Variants in CCDC171 observed in about 807,000 individuals in gnomAD.
CCDC171 encodes coiled-coil domain containing 171.
CCDC171 carries 177 observed loss-of-function variants against 168.2 expected under a neutral mutation model. The observed-to-expected ratio is 1.05, with a 90% CI of 0.93 to 1.19. The LOEUF is 1.19. Among genes scored for constraint, CCDC171 ranks in the 50% most tolerant of loss-of-function variants. The probability of loss-of-function intolerance (pLI) is 0.00; values close to 1 mark genes in which losing one functional copy is unlikely to be tolerated. For synonymous variants in CCDC171, 687 were observed against 540.8 expected, an observed-to-expected ratio of 1.27 and a Z score of -3.75; for missense variants, 1,991 against 1,539.0, an observed-to-expected ratio of 1.29 and a Z score of -4.91.
At chr9:15,698,345 C>T (rs949807716) in intron 11 of CCDC171, among the ~76,000 whole-genome samples, 5 of 152,054 alleles carry the variant, frequency 3.3e-5, no homozygotes, top group Non-Finnish European at 7.3e-5. Flanking sequence ...CACGGTGAAA[C>T]ACCGTCTCTA....
chr9:15,767,794 T>G (rs1317768800), intron 18 of CCDC171, among the ~76,000 whole-genome samples: 3 of 114,558 alleles, frequency 2.6e-5, no homozygotes, highest in African/African-American at 1.0e-4. Context: ...GTGTGCCCTA[T>G]GGGCTCTTTT....
At chr9:15,626,221 A>G (rs1412484312) in intron 7 of CCDC171, among the ~76,000 whole-genome samples, 2 of 152,224 alleles carry the variant, frequency 1.3e-5, no homozygotes, top group African/African-American at 4.8e-5. Context: ...TTGGGCTGAG[A>G]CGATGGGGTT....
At chr9:15,732,547 A>G (rs2054216805) in intron 16 of CCDC171, among the ~76,000 whole-genome samples, 2 of 152,150 alleles carry the variant, frequency 1.3e-5, no homozygotes, top group South Asian at 4.1e-4. Flanking sequence ...CTCATACAGT[A>G]TATAGCCTTT....
intron 24 of CCDC171, among the ~76,000 whole-genome samples, chr9:15,912,791 A>G (rs1245069114): frequency 6.6e-6 from 1 of 152,194 alleles, no homozygotes; most frequent in Non-Finnish European, 1.5e-5. Context: ...ATCTATTGAG[A>G]TAATCATGTG....
At chr9:15,948,223 C>T (rs1411488809) in intron 25 of CCDC171, among the ~76,000 whole-genome samples, 4 of 150,606 alleles carry the variant, frequency 2.7e-5, no homozygotes, top group African/African-American at 2.4e-5. Flanking sequence ...TCCAGTCTAT[C>T]GTTGTTGGAC....
intron 2 of CCDC171, among the ~76,000 whole-genome samples, chr9:15,570,527 A>G (rs1587033621): frequency 6.6e-6 from 1 of 152,098 alleles, no homozygotes; most frequent in East Asian, 1.9e-4. Context: ...CTGTCTGCTT[A>G]TATTGAAAAG....
At chr9:15,610,764 G>T (rs1235261657) in intron 6 of CCDC171, among the ~76,000 whole-genome samples, 1 of 152,034 alleles carries the variant, frequency 6.6e-6, no homozygotes, top group African/African-American at 2.4e-5. Context: ...TCACTGTGTT[G>T]CCCAGTCTGG....
downstream of CCDC171, among the ~76,000 whole-genome samples, chr9:16,066,442 T>G (rs898345743): frequency 6.6e-6 from 1 of 150,560 alleles, no homozygotes. Context: ...TGCTGTGTTT[T>G]CTTCCTCTTT....
chr9:15,832,416 C>A (rs761555211), intron 21 of CCDC171, among the ~76,000 whole-genome samples: 6 of 152,182 alleles, frequency 3.9e-5, no homozygotes, highest in Non-Finnish European at 7.3e-5. Flanking sequence ...TGTACTTACA[C>A]AGACCTACAT....
In CCDC171 at chr9:15,564,085, C is replaced by T; in HGVS notation, c.-4C>T. 1 of 1,602,738 alleles carries T rather than the reference C, an allele frequency of 6.2e-7. No homozygotes were observed. Among genetic ancestry groups the T allele is most frequent in the South Asian group, 1.1e-5 (1 of 89,930 alleles). ...AGGGTATTTTGAAAGAGTTGGAAAA[C>T]ATCATGAATTTGAATACTTCAAGTA... On this transcript the variant is annotated 5_prime_UTR_variant, in exon 2 of 26. Coordinates refer to ENST00000380701, the MANE Select transcript of CCDC171 (RefSeq NM_173550.4).
At position 15,781,272 on chromosome 9, in the gene CCDC171, A is replaced by C. The variant is rs966860133; in HGVS notation, c.3081+2122A>C. On this transcript the variant is annotated intron_variant, in intron 20 of 25. Transcript: ENST00000380701. ...TTCTAGAATCTAGAGAGAAGATTAG[A>C]GTTTGAGGGAAGGTTAGTGGAAGGT... is the stretch of plus-strand genomic sequence containing the variant. Among the ~76,000 whole-genome samples the C allele has an allele frequency of 7.5e-4, 114 of 152,278 alleles. 1 individual carries two copies. The highest frequency in any genetic ancestry group is 2.5e-3 in the African/African-American group (105 of 41,552).
intron 16 of CCDC171, among the ~76,000 whole-genome samples, chr9:15,742,655 C>T (rs1403973498): frequency 6.6e-6 from 1 of 152,326 alleles, no homozygotes; most frequent in African/African-American, 2.4e-5. Context: ...GGGACATAGT[C>T]CCATTGATAG....
chr9:15,664,233 A>C (rs2048547478), intron 8 of CCDC171, among the ~76,000 whole-genome samples: 2 of 152,010 alleles, frequency 1.3e-5, no homozygotes, highest in South Asian at 4.2e-4. Context: ...CAGGTAACAA[A>C]ACTACACTTT....
chr9:15,736,238 C>G (rs1290344057), intron 16 of CCDC171, among the ~76,000 whole-genome samples: 1 of 152,092 alleles, frequency 6.6e-6, no homozygotes. Flanking sequence ...CTTCCAGTCC[C>G]TTTTGCATTA....
At chr9:15,644,484 C>G (rs192374034) in intron 7 of CCDC171, among the ~76,000 whole-genome samples, 1 of 152,288 alleles carries the variant, frequency 6.6e-6, no homozygotes, top group East Asian at 1.9e-4. Flanking sequence ...AGGGAATTCC[C>G]TTTCCTAGCT....
chr9:15,967,878 G>C (rs1260480586), intron 25 of CCDC171, among the ~76,000 whole-genome samples: 1 of 152,190 alleles, frequency 6.6e-6, no homozygotes, highest in East Asian at 1.9e-4. Flanking sequence ...AAATGGCTTA[G>C]TTTCAGAAGC....
At chr9:15,961,146 A>G (rs538828050) in intron 25 of CCDC171, among the ~76,000 whole-genome samples, 2 of 152,214 alleles carry the variant, frequency 1.3e-5, no homozygotes, top group Non-Finnish European at 2.9e-5. Context: ...TAAATTCTAA[A>G]TGATTCTTTC....
intron 1 of CCDC171, chr9:16,060,497 G>T (rs1448828948): frequency 6.6e-6 from 1 of 152,308 alleles, no homozygotes; most frequent in African/African-American, 2.4e-5. Context: ...AGCAGGGGTG[G>T]TGGCCTAATA....
intron 2 of CCDC171, among the ~76,000 whole-genome samples, chr9:15,567,777 C>A (rs544167579): frequency 6.6e-6 from 1 of 152,008 alleles, no homozygotes; most frequent in African/African-American, 2.4e-5. Context: ...CCTCAGCCTC[C>A]TTAGTAGCTA....
Sources: allele counts gnomAD v4.1 joint callset (sites outside exome capture counted in the v4.1 genomes callset), GRCh38; gene constraint gnomAD v4.1.1; transcripts MANE v1.5; gene names NCBI Gene and HGNC (gene_info 2026-07-23, HGNC 2026-07-21).